CRTAC1: variants seen among roughly 807,000 people sequenced by gnomAD.
CRTAC1 encodes the protein acidic secreted protein in cartilage.
Under a neutral mutation model 67.8 loss-of-function variants are expected in CRTAC1, and 37 were observed. The ratio of observed to expected loss-of-function variants is 0.55; its 90% confidence interval spans 0.42 to 0.72. The LOEUF is 0.72. Among genes scored for constraint, CRTAC1 ranks in the 30% least tolerant of loss-of-function variants. The probability of loss-of-function intolerance (pLI) is 0.00; values close to 1 mark genes in which losing one functional copy is unlikely to be tolerated. For synonymous variants in CRTAC1, 348 were observed against 371.0 expected (o/e 0.94, Z 0.71); for missense variants, 780 against 931.6 (o/e 0.84, Z 2.12).
chr10:98,026,896 G>C (rs1293974392), intron 1 of CRTAC1, among the ~76,000 whole-genome samples: 1 of 152,128 alleles, frequency 6.6e-6, no homozygotes, highest in Non-Finnish European at 1.5e-5. Flanking sequence ...ATAACAAAAG[G>C]GGGCCGGGCG....
At chr10:97,996,198 A>G (rs1202579076) in intron 2 of CRTAC1, among the ~76,000 whole-genome samples, 1 of 151,986 alleles carries the variant, frequency 6.6e-6, no homozygotes, top group Non-Finnish European at 1.5e-5. Flanking sequence ...CTAAAACACC[A>G]AAAGCAATGG....
chr10:97,945,502 T>A (rs1356260972), intron 2 of CRTAC1, among the ~76,000 whole-genome samples: 1 of 152,162 alleles, frequency 6.6e-6, no homozygotes, highest in Non-Finnish European at 1.5e-5. Context: ...AGAAAACATA[T>A]GGGAAGACAT....
chr10:97,965,222 A>G (rs1233192781), intron 2 of CRTAC1, among the ~76,000 whole-genome samples: 1 of 152,250 alleles, frequency 6.6e-6, no homozygotes, highest in Non-Finnish European at 1.5e-5. Context: ...TATTAAAATA[A>G]TAGCAGATAA....
chr10:97,974,694 G>C (rs1408610705), intron 2 of CRTAC1, among the ~76,000 whole-genome samples: 4 of 152,140 alleles, frequency 2.6e-5, no homozygotes, highest in Non-Finnish European at 5.9e-5. Context: ...CCCTCCGCTC[G>C]GGGTCACCCC....
intron 5 of CRTAC1, among the ~76,000 whole-genome samples, chr10:97,912,886 C>A (rs116837194): frequency 6.6e-6 from 1 of 152,308 alleles, no homozygotes; most frequent in East Asian, 1.9e-4. Flanking sequence ...AGGGTGGACA[C>A]AGGATAAGCA....
At chr10:97,929,999 A>G (rs2050979771) in intron 3 of CRTAC1, among the ~76,000 whole-genome samples, 1 of 152,232 alleles carries the variant, frequency 6.6e-6, no homozygotes, top group African/African-American at 2.4e-5. Flanking sequence ...TGCTGACCCC[A>G]GCCTTCCTTC....
At position 98,029,313 on chromosome 10, in the gene CRTAC1, G is replaced by C. The variant is rs1469583022; in HGVS notation, c.24+1136C>G. Among the ~76,000 whole-genome samples, 1 of 152,076 alleles carries C rather than the reference G, an allele frequency of 6.6e-6. No homozygotes were observed. The highest frequency in any genetic ancestry group is 1.5e-5 in the Non-Finnish European group (1 of 68,020). ...TCCCCTGACTCAAGAAAACACTATAGAACTGTCCCCTGTCCTGGGACCCTC... is the reference window on the plus strand; with the variant it reads ...TCCCCTGACTCAAGAAAACACTATACAACTGTCCCCTGTCCTGGGACCCTC... On this transcript the variant is annotated intron_variant, in intron 1 of 14. Coordinates refer to ENST00000370597, the MANE Select transcript of CRTAC1 (RefSeq NM_018058.7). The surrounding 1 kb of genome is among the most constrained non-coding windows in gnomAD (Gnocchi z 4.7).
At chr10:97,937,897 C>T (rs540346379) in intron 2 of CRTAC1, among the ~76,000 whole-genome samples, 4 of 152,354 alleles carry the variant, frequency 2.6e-5, no homozygotes, top group African/African-American at 9.6e-5. Context: ...CAGATACTGC[C>T]TCCAGAGGGT....
At chr10:97,987,821 G>C (rs1054087901) in intron 2 of CRTAC1, among the ~76,000 whole-genome samples, 2 of 152,166 alleles carry the variant, frequency 1.3e-5, no homozygotes, top group Non-Finnish European at 2.9e-5. Context: ...TTATGTGTCT[G>C]CTCAGCACTC....
Position 97,895,227 on chromosome 10 carries a change from C to G in CRTAC1, c.1486+18G>C. 1.2e-6 allele frequency: 2 copies of G among 1,604,980 alleles called. No homozygotes were observed. The highest frequency in any genetic ancestry group is 1.7e-6 in the Non-Finnish European group (2 of 1,179,356). Reference sequence around the variant, plus strand: ...ATCCTGATAACAGCTCACTGTCCCCCACCGGACCCCGACTCACCCAGGCCA... The same window carrying G: ...ATCCTGATAACAGCTCACTGTCCCCGACCGGACCCCGACTCACCCAGGCCA... On this transcript the variant is annotated intron_variant, in intron 11 of 14. Transcript: ENST00000370597. This position sits in a 1 kb window ranked among gnomAD's most constrained non-coding sequence, Gnocchi z 4.2.
Position 97,895,882 on chromosome 10 carries a change from C to A in CRTAC1, c.1317+3G>T, listed in dbSNP as rs2050450448. The A allele has an allele frequency of 6.2e-7, 1 of 1,611,308 alleles. No individual in the cohort carries two copies. Among genetic ancestry groups the A allele is most frequent in the East Asian group, 2.2e-5 (1 of 44,782 alleles). ...ATCTGTGGCTCCTGAGGTCTTAGCG[C>A]ACCTGATTGCCCCGGAAGACGGACA... On this transcript the variant is annotated splice_donor_region_variant and intron_variant, in intron 10 of 14. Coordinates refer to ENST00000370597, the MANE Select transcript of CRTAC1 (RefSeq NM_018058.7). This position sits in a 1 kb window ranked among gnomAD's most constrained non-coding sequence, Gnocchi z 4.2.
Position 98,020,540 on chromosome 10 carries a change from A to G in CRTAC1, c.25-9203T>C, listed in dbSNP as rs564903058. On this transcript the variant is annotated intron_variant, in intron 1 of 14. Transcript: ENST00000370597. The stretch of plus-strand genomic sequence containing the variant: ...GAGCTCCAGAATTCTTCAGCACCAT[A>G]CTGAATAGTTTCTCTTATGACATCA... Among the ~76,000 whole-genome samples the G allele has an allele frequency of 8.5e-5, 13 of 152,364 alleles. No individual in the cohort carries two copies. In the East Asian group the frequency reaches 2.5e-3, roughly 29 times the overall value.
Position 97,917,649 on chromosome 10 carries a change from C to A in CRTAC1, c.566G>T (p.Gly189Val). 2 of 1,555,664 alleles carry A rather than the reference C, an allele frequency of 1.3e-6. No homozygotes were observed. Among genetic ancestry groups the A allele is most frequent in the Non-Finnish European group, 1.7e-6 (2 of 1,143,188 alleles). ...SVACVDRKGS[G>V]RYSIYIANYA... ...ATTGGCAATGTAGATAGAGTAGCGT[C>A]CAGAGCCCTGAGGAAGAAGGGAAGG... The change falls in exon 5 of 15, where the codon GGA becomes GTA. Residue 189 changes from glycine to valine, a missense_variant. By Grantham distance (109) the Gly-to-Val change is moderately radical (BLOSUM62 -3). Coordinates refer to ENST00000370597, the MANE Select transcript of CRTAC1 (RefSeq NM_018058.7).
chr10:97,914,753 C>T (rs944707926), intron 5 of CRTAC1, among the ~76,000 whole-genome samples: 2 of 152,174 alleles, frequency 1.3e-5, no homozygotes, highest in African/African-American at 4.8e-5. Context: ...CCAGGATTCC[C>T]AGGCAGGGCA....
intron 5 of CRTAC1, among the ~76,000 whole-genome samples, chr10:97,916,466 G>A (rs2050759908): frequency 6.6e-6 from 1 of 152,198 alleles, no homozygotes; most frequent in Non-Finnish European, 1.5e-5. Context: ...AGGGTGAAAA[G>A]TGGCTAGGGA....
Position 97,955,288 on chromosome 10 carries a change from C to T in CRTAC1, c.225-18922G>A, listed in dbSNP as rs140167951. On this transcript the variant is annotated intron_variant, in intron 2 of 14. Transcript: ENST00000370597. Reference sequence around the variant, plus strand: ...TGAGTAGAAGAGGGGGAGAAAGAGACGGGCTCTGGGCCCCTAAACCCCTTC... The same window carrying T: ...TGAGTAGAAGAGGGGGAGAAAGAGATGGGCTCTGGGCCCCTAAACCCCTTC... Among the ~76,000 whole-genome samples the T allele has an allele frequency of 4.4e-3, 672 of 152,330 alleles. 3 individuals are homozygous for T. The highest frequency in any genetic ancestry group is 0.014 in the African/African-American group (602 of 41,584).
intron 2 of CRTAC1, among the ~76,000 whole-genome samples, chr10:97,993,661 A>T (rs1253541095): frequency 6.6e-6 from 1 of 152,154 alleles, no homozygotes; most frequent in African/African-American, 2.4e-5. Flanking sequence ...GCTAATGTTT[A>T]TTATTTTCAT....
At chr10:98,020,351 T>G (rs540290915) in intron 1 of CRTAC1, among the ~76,000 whole-genome samples, 2 of 144,500 alleles carry the variant, frequency 1.4e-5, no homozygotes, top group African/African-American at 5.2e-5. Flanking sequence ...ACTCTAACCC[T>G]TCACATAAGT....
chr10:97,994,274 G>T (rs1239166670), intron 2 of CRTAC1, among the ~76,000 whole-genome samples: 1 of 152,194 alleles, frequency 6.6e-6, no homozygotes, highest in African/African-American at 2.4e-5. Flanking sequence ...ATGGATCACA[G>T]ATTGCCAACT....
Sources: gnomAD v4.1 joint callset for allele counts (sites outside exome capture counted in the v4.1 genomes callset) on GRCh38, gnomAD v4.1.1 for gene constraint, Gnocchi (gnomAD v3.1) non-coding constraint, MANE v1.5 for transcripts, NCBI Gene and HGNC (gene_info 2026-07-23, HGNC 2026-07-21) for gene names.